Variants in ELOVL6 observed in about 807,000 individuals in gnomAD.
ELOVL6 encodes ELOVL fatty acid elongase 6.
In ELOVL6, 8 loss-of-function variants were observed where a neutral mutation model predicts 31.7. That is an observed-to-expected ratio of 0.25 (90% CI 0.15 to 0.45). ELOVL6 has a LOEUF of 0.45. Ranked by LOEUF, ELOVL6 falls within the 20% of genes least tolerant of loss-of-function variation. The probability of loss-of-function intolerance (pLI) is 1.00; values close to 1 mark genes in which losing one functional copy is unlikely to be tolerated. For synonymous variants in ELOVL6, 101 were observed against 117.7 expected (o/e 0.86, Z 0.92); for missense variants, 126 against 326.4 (o/e 0.39, Z 4.73).
intron 2 of ELOVL6, among the ~76,000 whole-genome samples, chr4:110,064,078 CAAA>C (rs34104506): frequency 1.6e-4 from 17 of 103,318 alleles, no homozygotes; most frequent in African/African-American, 3.0e-4. Flanking sequence ...AACTCTGTCT[CAAA>C]AAAAAAAAAA....
chr4:110,177,622 G>A (rs1759147857), intron 1 of ELOVL6, among the ~76,000 whole-genome samples: 1 of 152,124 alleles, frequency 6.6e-6, no homozygotes, highest in South Asian at 2.1e-4. Context: ...TGATATGGCA[G>A]CCACCTTGTG....
chr4:110,134,137 A>G (rs1757744206), intron 1 of ELOVL6, among the ~76,000 whole-genome samples: 1 of 152,222 alleles, frequency 6.6e-6, no homozygotes, highest in Non-Finnish European at 1.5e-5. Context: ...GTTGTGTACA[A>G]AAATAAAACA....
At chr4:110,110,161 G>T (rs1756992070) in intron 1 of ELOVL6, among the ~76,000 whole-genome samples, 1 of 152,010 alleles carries the variant, frequency 6.6e-6, no homozygotes, top group Non-Finnish European at 1.5e-5. Flanking sequence ...GTGATTTTAG[G>T]GATACAAATA....
At chr4:110,127,243 C>T (rs1009588646) in intron 1 of ELOVL6, among the ~76,000 whole-genome samples, 1 of 151,786 alleles carries the variant, frequency 6.6e-6, no homozygotes, top group Non-Finnish European at 1.5e-5. Context: ...CCTGTCTCTA[C>T]TAAAAATACA....
At chr4:110,086,873 T>A (rs549495434) in intron 2 of ELOVL6, among the ~76,000 whole-genome samples, 1 of 152,266 alleles carries the variant, frequency 6.6e-6, no homozygotes, top group African/African-American at 2.4e-5. Flanking sequence ...GATCCGGAAT[T>A]AGGAAAGTTC....
chr4:110,074,826 C>T (rs1317283163), intron 2 of ELOVL6, among the ~76,000 whole-genome samples: 1 of 152,160 alleles, frequency 6.6e-6, no homozygotes, highest in African/African-American at 2.4e-5. Context: ...CGCTGGCTCT[C>T]CTTCCCGTAA....
chr4:110,078,121 C>T (rs564887966), intron 2 of ELOVL6, among the ~76,000 whole-genome samples: 4 of 152,282 alleles, frequency 2.6e-5, no homozygotes, highest in East Asian at 1.9e-4. Context: ...GATTGGTGTA[C>T]CTGAAAGTGA....
chr4:110,083,860 AGATGCTGTGATG>A (rs1303635218), intron 2 of ELOVL6, among the ~76,000 whole-genome samples: 1 of 146,666 alleles, frequency 6.8e-6, no homozygotes, highest in African/African-American at 2.5e-5. Flanking sequence ...AGACTCCCTG[AGATGCTGTGATG>A]GATGCTGTGA....
At chr4:110,121,242 T>C (rs1395453865) in intron 1 of ELOVL6, among the ~76,000 whole-genome samples, 1 of 152,204 alleles carries the variant, frequency 6.6e-6, no homozygotes, top group Non-Finnish European at 1.5e-5. Flanking sequence ...AAATTCAACA[T>C]ATTGAGATGT....
At chr4:110,062,870 A>G (rs1396292607) in intron 2 of ELOVL6, among the ~76,000 whole-genome samples, 1 of 152,204 alleles carries the variant, frequency 6.6e-6, no homozygotes, top group Non-Finnish European at 1.5e-5. Flanking sequence ...AAGTTACTGA[A>G]GTATTTTTTC....
chr4:110,078,010 G>A (rs1425967369), intron 2 of ELOVL6, among the ~76,000 whole-genome samples: 1 of 152,166 alleles, frequency 6.6e-6, no homozygotes, highest in Non-Finnish European at 1.5e-5. Flanking sequence ...TCAAATGGAT[G>A]AAATAAAGCA....
intron 3 of ELOVL6, among the ~76,000 whole-genome samples, chr4:110,058,628 A>C (rs1755059931): frequency 6.6e-6 from 1 of 152,160 alleles, no homozygotes; most frequent in African/African-American, 2.4e-5. Context: ...AAAGTACAAC[A>C]CCAAACTCCC....
At chr4:110,084,582 ATATATATTTTTTTT>A (rs1187177775) in intron 2 of ELOVL6, among the ~76,000 whole-genome samples, 1,555 of 54,272 alleles carry the variant, frequency 0.029, 38 homozygotes, top group South Asian at 0.082. Flanking sequence ...ATATATATAT[ATATATATTTTTTTT>A]TTTTTTTTTT....
chr4:110,051,157 A>G lies in ELOVL6; in HGVS notation c.*181T>C. The G allele has an allele frequency of 1.6e-6, 1 of 634,076 alleles. No individual in the cohort carries two copies. The highest frequency in any genetic ancestry group is 2.7e-6 in the Non-Finnish European group (1 of 371,400). The allele number at this position is 634,076 out of a possible 1,614,324, so 39.3% of individuals were successfully genotyped here. A position where few individuals can be genotyped will look rare whatever the true frequency, so the allele number is the denominator to read the frequency against. ...GGTGCACTCAGTGAGTCCTCACCCT[A>G]AAAGGATCATAAACTTACTGGGTTA... On this transcript the variant is annotated 3_prime_UTR_variant, in exon 4 of 4. Transcript: ENST00000302274. This position sits in a 1 kb window ranked among gnomAD's most constrained non-coding sequence, Gnocchi z 4.8.
chr4:110,056,822 C>G (rs1157879109), intron 3 of ELOVL6, among the ~76,000 whole-genome samples: 1 of 152,080 alleles, frequency 6.6e-6, no homozygotes, highest in Non-Finnish European at 1.5e-5. Context: ...GATTATGGCT[C>G]CTTTGGGGCT....
At chr4:110,167,978 T>C (rs1215609642) in intron 1 of ELOVL6, among the ~76,000 whole-genome samples, 2 of 152,196 alleles carry the variant, frequency 1.3e-5, no homozygotes, top group Non-Finnish European at 1.5e-5. Context: ...GTATTTTTGA[T>C]ATATAATTTT....
intron 2 of ELOVL6, among the ~76,000 whole-genome samples, chr4:110,076,979 C>T (rs963346809): frequency 4.6e-5 from 7 of 152,188 alleles, no homozygotes; most frequent in Admixed American, 1.3e-4. Context: ...CACAGAGCCT[C>T]GCTCATTGCT....
chr4:110,186,213 A>T (rs941510092), intron 1 of ELOVL6, among the ~76,000 whole-genome samples: 9 of 151,974 alleles, frequency 5.9e-5, no homozygotes, highest in African/African-American at 2.2e-4. Flanking sequence ...ACAAAACAAA[A>T]ACAAAAACAA....
intron 1 of ELOVL6, among the ~76,000 whole-genome samples, chr4:110,186,458 C>CTGAA (rs901868211): frequency 2.6e-5 from 4 of 151,924 alleles, no homozygotes; most frequent in African/African-American, 9.7e-5. Context: ...TCTCTACATT[C>CTGAA]TGAATGTTGG....
Sources: allele counts gnomAD v4.1 joint callset (sites outside exome capture counted in the v4.1 genomes callset), GRCh38; gene constraint gnomAD v4.1.1; non-coding constraint Gnocchi (gnomAD v3.1); transcripts MANE v1.5; gene names NCBI Gene and HGNC (gene_info 2026-07-23, HGNC 2026-07-21).